The following PGCKA1 variants were observed in gnomAD, a reference collection of about 807,000 sequenced individuals.
PGCKA1 encodes PDCD10 and GCKIII kinases-associated protein 1.
the PGCKA1 span, among the ~76,000 whole-genome samples, chr4:37,540,945 CTT>C: frequency 6.8e-6 from 1 of 146,608 alleles, no homozygotes. Context: ...AAAAAAACCC[CTT>C]TTTTTTTTTT....
At chr4:37,495,174 A>G in the PGCKA1 span, among the ~76,000 whole-genome samples, 1 of 152,192 alleles carries the variant, frequency 6.6e-6, no homozygotes, top group Non-Finnish European at 1.5e-5. Flanking sequence ...TCAAAATCAC[A>G]ATGAGATACC....
At chr4:37,476,326 T>C in the PGCKA1 span, among the ~76,000 whole-genome samples, 7 of 152,332 alleles carry the variant, frequency 4.6e-5, no homozygotes, top group African/African-American at 1.4e-4. Context: ...TCTCAGCTCT[T>C]CCTTTAAATT....
At chr4:37,468,566 C>T in the PGCKA1 span, among the ~76,000 whole-genome samples, 14 of 152,314 alleles carry the variant, frequency 9.2e-5, no homozygotes, top group Non-Finnish European at 1.3e-4. Flanking sequence ...ATCTGGTGTT[C>T]ATCGTCTAAA....
the PGCKA1 span, among the ~76,000 whole-genome samples, chr4:37,536,087 C>G: frequency 2.0e-5 from 3 of 152,292 alleles, no homozygotes; most frequent in African/African-American, 7.2e-5. Context: ...GGTTGCAAAA[C>G]TGGGTGTGAC....
chr4:37,518,800 G>A, the PGCKA1 span, among the ~76,000 whole-genome samples: 8 of 152,102 alleles, frequency 5.3e-5, no homozygotes, highest in African/African-American at 1.9e-4. Flanking sequence ...CCATTTTTGT[G>A]TTGGTTGCCT....
At chr4:37,472,578 CA>C in the PGCKA1 span, among the ~76,000 whole-genome samples, 1 of 152,146 alleles carries the variant, frequency 6.6e-6, no homozygotes, top group South Asian at 2.1e-4. Flanking sequence ...CCAGTTCACT[CA>C]ACATATTGCT....
the PGCKA1 span, among the ~76,000 whole-genome samples, chr4:37,527,664 C>CAA: frequency 8.8e-4 from 117 of 133,698 alleles, no homozygotes; most frequent in African/African-American, 2.2e-3. Context: ...CTAAAAAATA[C>CAA]AAAAAAAAAA....
the PGCKA1 span, among the ~76,000 whole-genome samples, chr4:37,507,811 C>G: frequency 1.3e-5 from 2 of 152,128 alleles, no homozygotes; most frequent in African/African-American, 4.8e-5. Context: ...TCATTAGCAT[C>G]CTTTTCTTTC....
the PGCKA1 span, among the ~76,000 whole-genome samples, chr4:37,592,971 C>T: frequency 2.0e-5 from 3 of 152,156 alleles, no homozygotes; most frequent in Non-Finnish European, 2.9e-5. Context: ...CTGAGCCTTC[C>T]AGCACCTTTA....
chr4:37,485,015 T>A, the PGCKA1 span, among the ~76,000 whole-genome samples: 2 of 152,216 alleles, frequency 1.3e-5, no homozygotes, highest in Admixed American at 1.3e-4. Context: ...GAAGTGAATA[T>A]TTTATTTATT....
the PGCKA1 span, among the ~76,000 whole-genome samples, chr4:37,495,176 T>G: frequency 6.6e-6 from 1 of 152,112 alleles, no homozygotes; most frequent in African/African-American, 2.4e-5. Context: ...AAAATCACAA[T>G]GAGATACCAT....
At chr4:37,513,104 AAG>A in the PGCKA1 span, among the ~76,000 whole-genome samples, 54 of 140,806 alleles carry the variant, frequency 3.8e-4, 2 homozygotes, top group East Asian at 6.2e-4. Context: ...AAAAAAAAGA[AAG>A]AAAGAAAGAA....
At chr4:37,581,455 TG>T in the PGCKA1 span, among the ~76,000 whole-genome samples, 2 of 152,098 alleles carry the variant, frequency 1.3e-5, no homozygotes, top group African/African-American at 4.8e-5. The surrounding 1 kb of genome is among the most constrained non-coding windows in gnomAD (Gnocchi z 4.4). Flanking sequence ...ACTCAGCAGG[TG>T]ATGGGTCTTG....
chr4:37,529,869 T>C, the PGCKA1 span, among the ~76,000 whole-genome samples: 1 of 152,206 alleles, frequency 6.6e-6, no homozygotes, highest in Non-Finnish European at 1.5e-5. Context: ...CTGGACTAAA[T>C]CCTTTAGTTC....
At chr4:37,509,798 CAAAA>C in the PGCKA1 span, among the ~76,000 whole-genome samples, 12 of 151,550 alleles carry the variant, frequency 7.9e-5, no homozygotes, top group Non-Finnish European at 1.8e-4. Context: ...CCGTCTCCAC[CAAAA>C]AAATACGAAA....
At chr4:37,502,483 T>C in the PGCKA1 span, among the ~76,000 whole-genome samples, 345 of 152,118 alleles carry the variant, frequency 2.3e-3, 1 homozygote, top group African/African-American at 7.5e-3. Context: ...CCACTACCAC[T>C]CTGGTGGTAG....
At chr4:37,574,610 G>A in the PGCKA1 span, among the ~76,000 whole-genome samples, 1 of 152,192 alleles carries the variant, frequency 6.6e-6, no homozygotes, top group Non-Finnish European at 1.5e-5. Context: ...AAACAAACAA[G>A]TGATATTCTT....
At chr4:37,512,848 G>A in the PGCKA1 span, among the ~76,000 whole-genome samples, 1 of 152,052 alleles carries the variant, frequency 6.6e-6, no homozygotes, top group Non-Finnish European at 1.5e-5. Flanking sequence ...CAGCACCTTG[G>A]GAGGCCGAAG....
chr4:37,460,210 G>A, the PGCKA1 span, among the ~76,000 whole-genome samples: 4 of 152,098 alleles, frequency 2.6e-5, no homozygotes, highest in Non-Finnish European at 5.9e-5. Context: ...GTGTATATGT[G>A]CCACATTTGC....
Sources: gnomAD v4.1 joint callset for allele counts (sites outside exome capture counted in the v4.1 genomes callset) on GRCh38, gnomAD v4.1.1 for gene constraint, Gnocchi (gnomAD v3.1) non-coding constraint, MANE v1.5 for transcripts, NCBI Gene and HGNC (gene_info 2026-07-23, HGNC 2026-07-21) for gene names.